REV1: variants seen among roughly 807,000 people sequenced by gnomAD.
REV1 encodes the protein translesion synthesis protein REV1.
A neutral mutation model predicts 137.4 loss-of-function variants in REV1; 42 were observed. The observed-to-expected ratio is 0.31, with a 90% CI of 0.24 to 0.40. The LOEUF is 0.40. Ranked by LOEUF, REV1 falls within the 10% of genes least tolerant of loss-of-function variation. The pLI is 1.00. For missense variants in REV1, 1,282 were observed against 1,490.1 expected (o/e 0.86, Z 2.30); for synonymous variants, 524 against 519.2 (o/e 1.01, Z -0.12).
At chr2:99,429,819 T>C in intron 9 of REV1, 21 bp downstream of exon 9, 6 of 1,374,452 alleles carry the variant, frequency 4.4e-6, no homozygotes, top group South Asian at 1.3e-5. Context: ...TTAAGAATTG[T>C]AACACACAAC....
chr2:99,483,121 TA>T (rs372793152), intron 1 of REV1, among the ~76,000 whole-genome samples: 52 of 150,350 alleles, frequency 3.5e-4, no homozygotes, highest in East Asian at 1.2e-3. Flanking sequence ...TTAAATGCTT[TA>T]AAAAAAAAGG....
chr2:99,480,373 T>G (rs1286535279), intron 1 of REV1, among the ~76,000 whole-genome samples: 1 of 152,202 alleles, frequency 6.6e-6, no homozygotes, highest in Non-Finnish European at 1.5e-5. Context: ...CTTACCAGTA[T>G]GTAGGAACAT....
intron 4 of REV1, among the ~76,000 whole-genome samples, chr2:99,448,643 A>G (rs1043825323): frequency 6.6e-6 from 1 of 152,222 alleles, no homozygotes; most frequent in African/African-American, 2.4e-5. Context: ...ATGTACTCAT[A>G]CATTACTCAT....
chr2:99,467,240 GTTATAATACA>G (rs1205667260), intron 1 of REV1, among the ~76,000 whole-genome samples: 1 of 151,226 alleles, frequency 6.6e-6, no homozygotes, highest in Non-Finnish European at 1.5e-5. Flanking sequence ...ATGAAACACA[GTTATAATACA>G]AAAACAAAAA....
chr2:99,405,983 C>G lies in REV1; in HGVS notation c.2738G>C (p.Trp913Ser), dbSNP rs1676234855. 6.2e-7 allele frequency: 1 copy of G among 1,613,988 alleles called. No homozygotes were observed. The highest frequency in any genetic ancestry group is 1.7e-4 in the Middle Eastern group (1 of 6,058). ...DTNKAESSGK[W>S]NGLHTPVSVQ... is the part of the protein sequence containing the mutation. ...ACTGACAGGAGTATGTAGACCATTC[C>G]ATTTCCCTGAAGACTCAGCCTTGTT... Residue 913 changes from tryptophan to serine, a missense_variant, in exon 17 of 23, where the codon TGG (tryptophan) becomes TCG (serine). Physicochemically the swap from Trp to Ser is radical, Grantham distance 177. Transcript: ENST00000258428.
At chr2:99,482,153 A>G (rs1007166920) in intron 1 of REV1, among the ~76,000 whole-genome samples, 2 of 152,244 alleles carry the variant, frequency 1.3e-5, no homozygotes, top group African/African-American at 4.8e-5. Context: ...ACTGAGTTCA[A>G]TCATACCTAT....
Position 99,483,210 on chromosome 2 carries a change from TA to T in REV1, c.-11+6606del, listed in dbSNP as rs1276986270. On this transcript the variant is annotated intron_variant, in intron 1 of 22. Transcript: ENST00000258428. ...AATACAGAACTTAATGAAAACCATT[TA>T]AAAGAGCAAAAAATCTAAGTAGTTT... 2.0e-5 allele frequency among the ~76,000 whole-genome samples: 3 copies of T among 152,150 alleles called. No homozygotes were observed. The East Asian group carries it at 5.8e-4, about 29-fold the overall frequency.
chr2:99,454,820 A>C (rs1407506175), intron 3 of REV1, among the ~76,000 whole-genome samples: 6 of 152,230 alleles, frequency 3.9e-5, no homozygotes, highest in Admixed American at 3.9e-4. Context: ...ACTAAATTTG[A>C]GGTTTAACTA....
intron 9 of REV1, among the ~76,000 whole-genome samples, chr2:99,428,767 G>C (rs1005756284): frequency 6.6e-6 from 1 of 152,040 alleles, no homozygotes; most frequent in Admixed American, 6.5e-5. Context: ...AGGCTGAGGC[G>C]GATGGATCAC....
At chr2:99,406,921 T>TACACTGCAG (rs1469406129) in intron 15 of REV1, 22 of 153,094 alleles carry the variant, frequency 1.4e-4, no homozygotes, top group African/African-American at 4.1e-4. Flanking sequence ...GAACAGCAGG[T>TACACTGCAG]ACACTGCAGA....
At chr2:99,456,713 T>C (rs1683574833) in intron 3 of REV1, among the ~76,000 whole-genome samples, 1 of 152,230 alleles carries the variant, frequency 6.6e-6, no homozygotes, top group South Asian at 2.1e-4. Context: ...CTATGAATTA[T>C]ATATCTCTCT....
intron 1 of REV1, among the ~76,000 whole-genome samples, chr2:99,482,939 C>T (rs1686774037): frequency 6.6e-6 from 1 of 151,238 alleles, no homozygotes; most frequent in African/African-American, 2.4e-5. Context: ...ATCGCTTGAA[C>T]CTGGGAGGAG....
At chr2:99,427,764 C>G (rs923194975) in intron 9 of REV1, among the ~76,000 whole-genome samples, 1 of 152,088 alleles carries the variant, frequency 6.6e-6, no homozygotes, top group East Asian at 1.9e-4. Flanking sequence ...AAAAATCTTA[C>G]GGCTGCATTT....
At position 99,400,828 on chromosome 2, in the gene REV1, T is replaced by C. The variant is rs1195539172; in HGVS notation, c.*413A>G. 6.5e-6 allele frequency: 1 copy of C among 154,194 alleles called. No homozygotes were observed. Among genetic ancestry groups the C allele is most frequent in the Non-Finnish European group, 1.4e-5 (1 of 69,194 alleles). The allele number at this position is 154,194 out of a possible 1,614,324, so 9.6% of individuals were successfully genotyped here. On this transcript the variant is annotated 3_prime_UTR_variant, in exon 23 of 23. Transcript: ENST00000258428. The stretch of plus-strand genomic sequence containing the variant: ...AAGTAGAATCCCGGTCTGAGACCTC[T>C]CAGGAATTTCAGAGCTTAGCAGTCT...
chr2:99,452,893 CA>C (rs1323765618), intron 3 of REV1, among the ~76,000 whole-genome samples: 1 of 152,222 alleles, frequency 6.6e-6, no homozygotes, highest in East Asian at 1.9e-4. Flanking sequence ...TGACTAAGGT[CA>C]AATCCTGGCT....
chr2:99,434,585 C>T (rs762670008), intron 7 of REV1, 137 bp from the exon 8 acceptor site: 244 of 469,788 alleles, frequency 5.2e-4, no homozygotes, highest in Non-Finnish European at 7.1e-4. Context: ...CTTAAAGAAG[C>T]TAATACTTTA....
chr2:99,479,835 T>G (rs951252326), intron 1 of REV1, among the ~76,000 whole-genome samples: 5 of 151,922 alleles, frequency 3.3e-5, no homozygotes, highest in African/African-American at 1.2e-4. Context: ...ACTAATGGAA[T>G]GCAATAAATG....
chr2:99,418,952 T>TAA lies in REV1; in HGVS notation c.1832-7_1832-6dup. 4 of 1,461,304 alleles carry TAA rather than the reference T, an allele frequency of 2.7e-6. No individual in the cohort carries two copies. Among genetic ancestry groups the TAA allele is most frequent in the Non-Finnish European group, 3.7e-6 (4 of 1,076,320 alleles). The allele number at this position is 1,461,304 out of a possible 1,614,324, so 90.5% of individuals were successfully genotyped here. On this transcript the variant is annotated splice_polypyrimidine_tract_variant and splice_region_variant and intron_variant, in intron 11 of 22. Coordinates refer to ENST00000258428, the MANE Select transcript of REV1 (RefSeq NM_016316.4). ...TAGCCAGGAGAATATTAGAACCTAT[T>TAA]AAAAAAAAAAGTCATCCAAGAAATA...
chr2:99,414,160 AAG>A (rs977918897), intron 12 of REV1, among the ~76,000 whole-genome samples: 1 of 152,164 alleles, frequency 6.6e-6, no homozygotes, highest in African/African-American at 2.4e-5. Context: ...GTGTTTAAAA[AAG>A]AGAGCTCAGA....
Sources: allele counts gnomAD v4.1 joint callset (sites outside exome capture counted in the v4.1 genomes callset), GRCh38; gene constraint gnomAD v4.1.1; transcripts MANE v1.5; gene names NCBI Gene and HGNC (gene_info 2026-07-23, HGNC 2026-07-21).